Variants in NEK6 observed in about 807,000 individuals in gnomAD.
The protein encoded by NEK6 is NIMA related kinase 6.
Under a neutral mutation model 43.5 loss-of-function variants are expected in NEK6, and 27 were observed. The ratio of observed to expected loss-of-function variants is 0.62; its 90% CI spans 0.46 to 0.86. NEK6 has a LOEUF of 0.86. Among genes scored for constraint, NEK6 ranks in the 40% least tolerant of loss-of-function variants. The probability of loss-of-function intolerance (pLI) is 0.00; values close to 1 mark genes in which losing one functional copy is unlikely to be tolerated. For missense variants in NEK6, 318 were observed against 414.4 expected (o/e 0.77, Z 2.02); for synonymous variants, 167 against 164.1 (o/e 1.02, Z -0.14).
chr9:124,328,434 C>G (rs1200693528), intron 7 of NEK6, among the ~76,000 whole-genome samples: 2 of 152,116 alleles, frequency 1.3e-5, no homozygotes, highest in African/African-American at 4.8e-5. Flanking sequence ...GGTGTGTTTG[C>G]AGTGGAAGGT....
chr9:124,285,372 C>T (rs907333825), intron 1 of NEK6, among the ~76,000 whole-genome samples: 2 of 152,156 alleles, frequency 1.3e-5, no homozygotes, highest in African/African-American at 4.8e-5. Context: ...GGCAGGCTCC[C>T]CTCCTGCAGT....
At chr9:124,328,039 G>A (rs1161608618) in intron 7 of NEK6, among the ~76,000 whole-genome samples, 4 of 152,164 alleles carry the variant, frequency 2.6e-5, no homozygotes, top group South Asian at 2.1e-4. Flanking sequence ...CATGAAAAGC[G>A]GGCAGGGCCT....
chr9:124,280,349 G>A (rs1377774775), intron 1 of NEK6, among the ~76,000 whole-genome samples: 3 of 152,234 alleles, frequency 2.0e-5, no homozygotes, highest in Non-Finnish European at 4.4e-5. Context: ...AGTTGAAATC[G>A]GGGCCTGGAA....
rs117359217 is a variant in NEK6, at chr9:124,290,373, C to A, written c.-29-11563C>A. On this transcript the variant is annotated intron_variant, in intron 1 of 9. Transcript: ENST00000320246. ...GGGCCTGTGGATGGCTGGCCTGGGC[C>A]CAGCCTCCGCCCCCAAGGGTGCTGG... 1.0e-3 allele frequency among the ~76,000 whole-genome samples: 155 copies of A among 152,346 alleles called. No individual in the cohort carries two copies. In the East Asian group the frequency reaches 0.023, roughly 23 times the overall value.
At chr9:124,276,252 G>C (rs1831646560) in intron 1 of NEK6, among the ~76,000 whole-genome samples, 1 of 152,154 alleles carries the variant, frequency 6.6e-6, no homozygotes, top group African/African-American at 2.4e-5. Flanking sequence ...TGCTCCCCAG[G>C]GGCTTCAGTG....
chr9:124,322,129 G>T (rs897272097), intron 5 of NEK6, among the ~76,000 whole-genome samples: 6 of 152,210 alleles, frequency 3.9e-5, no homozygotes, highest in Non-Finnish European at 7.3e-5. Context: ...CATGCCTGTG[G>T]CCCAGGTCTC....
Position 124,261,734 on chromosome 9 carries a change from A to G in NEK6, c.-30+3649A>G, listed in dbSNP as rs117797298. ...TTGGGCCATGTTGTGCCCCCCTGCC[A>G]GTGTCCTTCGGTGTTGAAAGGAAAA... On this transcript the variant is annotated intron_variant, in intron 1 of 9. Transcript: ENST00000320246. Among the ~76,000 whole-genome samples the G allele has an allele frequency of 9.0e-3, 1,367 of 152,312 alleles. 19 individuals are homozygous for G. The highest frequency in any genetic ancestry group is 0.031 in the African/African-American group (1,304 of 41,560).
At chr9:124,265,290 G>A (rs1831186646) in intron 1 of NEK6, among the ~76,000 whole-genome samples, 3 of 152,202 alleles carry the variant, frequency 2.0e-5, no homozygotes, top group Non-Finnish European at 2.9e-5. Context: ...TTGGGAGGCC[G>A]AGGCAGGCGG....
chr9:124,284,502 G>A (rs1230248229), intron 1 of NEK6, among the ~76,000 whole-genome samples: 1 of 152,264 alleles, frequency 6.6e-6, no homozygotes, highest in Non-Finnish European at 1.5e-5. Context: ...TTTGTTTAAT[G>A]ATTATCCAAT....
chr9:124,316,152 C>CGT (rs1833808535), intron 4 of NEK6, among the ~76,000 whole-genome samples: 1 of 152,222 alleles, frequency 6.6e-6, no homozygotes, highest in Non-Finnish European at 1.5e-5. Context: ...CAAAAGGAAA[C>CGT]GTGGTTTTCG....
intron 1 of NEK6, among the ~76,000 whole-genome samples, chr9:124,266,235 G>T (rs182661576): frequency 6.6e-6 from 1 of 152,286 alleles, no homozygotes; most frequent in African/African-American, 2.4e-5. Flanking sequence ...GGCACTTACT[G>T]TGGGCCATGT....
At chr9:124,316,692 T>C (rs1833831296) in intron 4 of NEK6, among the ~76,000 whole-genome samples, 1 of 152,212 alleles carries the variant, frequency 6.6e-6, no homozygotes, top group African/African-American at 2.4e-5. Flanking sequence ...TTCCCCTCTC[T>C]GGACCTTGGC....
At chr9:124,315,960 T>C (rs972825973) in intron 4 of NEK6, among the ~76,000 whole-genome samples, 5 of 152,198 alleles carry the variant, frequency 3.3e-5, no homozygotes, top group African/African-American at 9.7e-5. Context: ...TGAGGAAGCA[T>C]GTCTGACGAG....
chr9:124,313,134 C>A (rs1010256942), intron 3 of NEK6, among the ~76,000 whole-genome samples: 1 of 152,156 alleles, frequency 6.6e-6, no homozygotes, highest in Admixed American at 6.6e-5. Flanking sequence ...CCATGAGAGC[C>A]GCTGGGCCCG....
intron 1 of NEK6, among the ~76,000 whole-genome samples, chr9:124,278,739 A>G (rs1831759052): frequency 6.6e-6 from 1 of 152,218 alleles, no homozygotes; most frequent in African/African-American, 2.4e-5. Context: ...CACATTATAC[A>G]GCTGGGGAGA....
chr9:124,339,432 C>T (rs1054047239), intron 7 of NEK6, 139 bp from the exon 8 acceptor site: 11 of 699,890 alleles, frequency 1.6e-5, no homozygotes, highest in Non-Finnish European at 2.9e-5. Context: ...GGCCCAGGCC[C>T]AGAGAGGGAG....
chr9:124,348,578 A>G (rs1830082699), intron 9 of NEK6, among the ~76,000 whole-genome samples: 1 of 152,186 alleles, frequency 6.6e-6, no homozygotes, highest in Non-Finnish European at 1.5e-5. Flanking sequence ...TTCCTCACCT[A>G]TACAATGGGG....
intron 2 of NEK6, among the ~76,000 whole-genome samples, chr9:124,311,650 A>T (rs967403247): frequency 7.2e-5 from 11 of 152,254 alleles, no homozygotes; most frequent in African/African-American, 2.4e-4. Context: ...ACGACACCCT[A>T]AAAAAGGCAG....
chr9:124,307,082 G>T (rs931150535), intron 2 of NEK6, among the ~76,000 whole-genome samples: 3 of 152,020 alleles, frequency 2.0e-5, no homozygotes, highest in African/African-American at 7.3e-5. Context: ...AAAATTAATT[G>T]GGCGAATGCA....
Sources: allele counts gnomAD v4.1 joint callset (sites outside exome capture counted in the v4.1 genomes callset), GRCh38; gene constraint gnomAD v4.1.1; transcripts MANE v1.5; gene names NCBI Gene and HGNC (gene_info 2026-07-23, HGNC 2026-07-21).